LRRC4C: variants seen among roughly 807,000 people sequenced by gnomAD.
LRRC4C encodes the protein leucine-rich repeat-containing protein 4C.
Under a neutral mutation model 33.6 loss-of-function variants are expected in LRRC4C, and 5 were observed. That is an observed-to-expected ratio of 0.15 (90% CI 0.08 to 0.31). The LOEUF (loss-of-function observed/expected upper bound fraction) is 0.31. LRRC4C is among the 10% of genes least tolerant of loss of function. The pLI is 1.00. For synonymous variants in LRRC4C, 329 were observed against 302.0 expected (o/e 1.09, Z -0.93); for missense variants, 560 against 796.7 (o/e 0.70, Z 3.58).
At chr11:40,730,715 T>G (rs1947525039) in intron 2 of LRRC4C, among the ~76,000 whole-genome samples, 1 of 152,206 alleles carries the variant, frequency 6.6e-6, no homozygotes, top group Non-Finnish European at 1.5e-5. Flanking sequence ...ATAATCTGAC[T>G]GAGGCTATGA....
At chr11:40,493,029 T>C (rs1325003276) in intron 3 of LRRC4C, among the ~76,000 whole-genome samples, 2 of 151,674 alleles carry the variant, frequency 1.3e-5, no homozygotes, top group Non-Finnish European at 2.9e-5. Context: ...AAGATGCATC[T>C]ATAAATATAT....
At chr11:40,500,291 TATAC>T (rs1255106954) in intron 3 of LRRC4C, among the ~76,000 whole-genome samples, 158 of 62,760 alleles carry the variant, frequency 2.5e-3, no homozygotes, top group Non-Finnish European at 4.5e-3. Context: ...TATATATATA[TATAC>T]ACACACACAC....
intron 1 of LRRC4C, among the ~76,000 whole-genome samples, chr11:40,965,250 T>A (rs1239305209): frequency 1.3e-5 from 2 of 152,190 alleles, no homozygotes; most frequent in Non-Finnish European, 2.9e-5. Flanking sequence ...TTGAGTTCAT[T>A]GTAGATTCTG....
intron 3 of LRRC4C, among the ~76,000 whole-genome samples, chr11:40,407,358 C>A (rs1949999209): frequency 1.3e-5 from 2 of 152,036 alleles, no homozygotes. Flanking sequence ...TATTTTTCTC[C>A]CTTTTGCCCT....
intron 1 of LRRC4C, among the ~76,000 whole-genome samples, chr11:41,308,917 G>A (rs1398885510): frequency 2.6e-5 from 4 of 151,712 alleles, no homozygotes; most frequent in South Asian, 4.2e-4. Flanking sequence ...TGATTCTCCC[G>A]CCTCAGCCTC....
intron 2 of LRRC4C, among the ~76,000 whole-genome samples, chr11:40,658,898 G>T (rs976562024): frequency 5.3e-5 from 8 of 152,182 alleles, no homozygotes; most frequent in Admixed American, 2.0e-4. Flanking sequence ...TGGGGATGCC[G>T]GCTGCAGCAG....
At chr11:41,153,907 G>A (rs115220678) in intron 1 of LRRC4C, among the ~76,000 whole-genome samples, 1 of 152,030 alleles carries the variant, frequency 6.6e-6, no homozygotes, top group African/African-American at 2.4e-5. Flanking sequence ...GAGGGTAAAG[G>A]GATATTTGAC....
intron 1 of LRRC4C, among the ~76,000 whole-genome samples, chr11:41,215,423 G>A (rs1363255855): frequency 1.3e-5 from 2 of 150,062 alleles, no homozygotes; most frequent in African/African-American, 4.9e-5. Flanking sequence ...ATGAGCAGAA[G>A]GTTGCAGTGA....
At chr11:40,990,694 CT>C (rs1853476172) in intron 1 of LRRC4C, among the ~76,000 whole-genome samples, 1 of 152,064 alleles carries the variant, frequency 6.6e-6, no homozygotes, top group African/African-American at 2.4e-5. Flanking sequence ...CTGATGGTGC[CT>C]TAGCAGAAAT....
chr11:40,769,679 A>G lies in LRRC4C; in HGVS notation c.-406-121401T>C, dbSNP rs761860767. Among the ~76,000 whole-genome samples the G allele has an allele frequency of 8.5e-5, 13 of 152,170 alleles. 1 individual carries two copies. The South Asian group carries it at 1.4e-3, about 17-fold the overall frequency. ...AAAGATCACAGAAGTAAATCCATAC[A>G]TCTACCATGAACTCATTTTTGACAA... On this transcript the variant is annotated intron_variant, in intron 2 of 6. Transcript: ENST00000528697.
intron 3 of LRRC4C, among the ~76,000 whole-genome samples, chr11:40,517,043 T>C (rs1458212873): frequency 2.0e-5 from 3 of 152,136 alleles, no homozygotes; most frequent in African/African-American, 7.2e-5. Context: ...TCAGTTCCTA[T>C]TCATACTGGT....
intron 2 of LRRC4C, among the ~76,000 whole-genome samples, chr11:40,899,687 G>T (rs1363771412): frequency 6.6e-6 from 1 of 152,140 alleles, no homozygotes; most frequent in African/African-American, 2.4e-5. Flanking sequence ...TGCACACATA[G>T]CAGTTTTCTA....
Position 40,310,114 on chromosome 11 carries a change from A to T in LRRC4C, c.-176+9514T>A, listed in dbSNP as rs540677249. Among the ~76,000 whole-genome samples the T allele has an allele frequency of 2.2e-4, 34 of 152,134 alleles. No individual in the cohort carries two copies. In the South Asian group the frequency reaches 2.9e-3, roughly 13 times the overall value. On this transcript the variant is annotated intron_variant, in intron 4 of 6. Coordinates refer to ENST00000528697, the MANE Select transcript of LRRC4C (RefSeq NM_001258419.2). ...CCTCCAATCATCCCCCCACTTCTCCACTTATTTCCCGCAGCCCTATTCTTA... is the reference window on the plus strand; with the variant it reads ...CCTCCAATCATCCCCCCACTTCTCCTCTTATTTCCCGCAGCCCTATTCTTA...
chr11:40,496,141 A>T lies in LRRC4C; in HGVS notation c.-270+152001T>A, dbSNP rs532444684. 2.6e-5 allele frequency among the ~76,000 whole-genome samples: 4 copies of T among 152,188 alleles called. No individual in the cohort carries two copies. In the East Asian group the frequency reaches 7.8e-4, roughly 30 times the overall value. ...CACCACGCCTGGCCAAAAGTGTCTT[A>T]AATGACTGCAAGCATGAGGTAAAGA... is the stretch of plus-strand genomic sequence containing the variant. On this transcript the variant is annotated intron_variant, in intron 3 of 6. Transcript: ENST00000528697.
At chr11:41,220,561 C>CACACAA (rs60792644) in intron 1 of LRRC4C, among the ~76,000 whole-genome samples, 1 of 144,914 alleles carries the variant, frequency 6.9e-6, no homozygotes, top group African/African-American at 2.5e-5. Context: ...CACACACACA[C>CACACAA]AATTCTACAC....
intron 3 of LRRC4C, among the ~76,000 whole-genome samples, chr11:40,573,173 C>A (rs1293001063): frequency 6.6e-6 from 1 of 152,124 alleles, no homozygotes; most frequent in African/African-American, 2.4e-5. Flanking sequence ...ATCCAGGACC[C>A]ATTTCTTCAT....
intron 1 of LRRC4C, among the ~76,000 whole-genome samples, chr11:40,939,584 G>A (rs1036142322): frequency 6.6e-6 from 1 of 152,128 alleles, no homozygotes; most frequent in African/African-American, 2.4e-5. Context: ...GGATTCACCA[G>A]AAACTAGACA....
chr11:40,697,954 G>C (rs1219251996), intron 2 of LRRC4C, among the ~76,000 whole-genome samples: 1 of 151,580 alleles, frequency 6.6e-6, no homozygotes. Flanking sequence ...TGTAGTCCCA[G>C]CTACAGGGGA....
intron 2 of LRRC4C, among the ~76,000 whole-genome samples, chr11:40,664,470 G>A (rs745865389): frequency 2.0e-4 from 30 of 149,842 alleles, no homozygotes; most frequent in Non-Finnish European, 3.0e-4. Flanking sequence ...GCTTGAACCC[G>A]ATGGGTGGAG....
Sources: gnomAD v4.1 joint callset for allele counts (sites outside exome capture counted in the v4.1 genomes callset) on GRCh38, gnomAD v4.1.1 for gene constraint, MANE v1.5 for transcripts, NCBI Gene and HGNC (gene_info 2026-07-23, HGNC 2026-07-21) for gene names.